The following LY86 variants were observed in gnomAD, a reference collection of about 807,000 sequenced individuals.
LY86 encodes lymphocyte antigen 86, also known as MD-1, RP105-associated.
LY86 carries 20 observed loss-of-function variants against 17.3 expected under a neutral mutation model. That is an observed-to-expected ratio of 1.15 (90% confidence interval 0.81 to 1.68). The LOEUF (loss-of-function observed/expected upper bound fraction) is 1.68, where lower values mean the gene tolerates loss of function less well. Ranked by LOEUF, LY86 falls within the 40% of genes most tolerant of loss-of-function variation. The probability of loss-of-function intolerance (pLI) is 0.00; values close to 1 mark genes in which losing one functional copy is unlikely to be tolerated. For missense variants in LY86, 200 were observed against 191.9 expected, an observed-to-expected ratio of 1.04 and a Z score of -0.25; for synonymous variants, 74 against 70.6, an observed-to-expected ratio of 1.05 and a Z score of -0.24.
intron 1 of LY86, among the ~76,000 whole-genome samples, chr6:6,609,075 C>A (rs908198211): frequency 6.6e-6 from 1 of 152,172 alleles, no homozygotes; most frequent in African/African-American, 2.4e-5. Flanking sequence ...CCAAGCCAAC[C>A]GCAGCTCTGC....
intron 1 of LY86, among the ~76,000 whole-genome samples, chr6:6,594,975 T>C (rs1182898101): frequency 6.6e-6 from 1 of 152,038 alleles, no homozygotes; most frequent in African/African-American, 2.4e-5. Context: ...AGGGAGTAAG[T>C]CATGCCATCA....
At chr6:6,606,335 T>C (rs1761142966) in intron 1 of LY86, among the ~76,000 whole-genome samples, 1 of 152,124 alleles carries the variant, frequency 6.6e-6, no homozygotes, top group Non-Finnish European at 1.5e-5. Flanking sequence ...TGCTGATTGG[T>C]GTATTTACAA....
intron 1 of LY86, among the ~76,000 whole-genome samples, chr6:6,602,743 A>G (rs1468733380): frequency 1.3e-5 from 2 of 152,188 alleles, no homozygotes; most frequent in Non-Finnish European, 2.9e-5. Flanking sequence ...TGGGGTATTG[A>G]TCTATCAACT....
At chr6:6,611,698 G>A (rs1761339214) in intron 1 of LY86, among the ~76,000 whole-genome samples, 1 of 152,182 alleles carries the variant, frequency 6.6e-6, no homozygotes, top group African/African-American at 2.4e-5. Flanking sequence ...GGTCGTGTTT[G>A]TCCCCCCTTT....
At chr6:6,615,667 A>G (rs1208873565) in intron 1 of LY86, among the ~76,000 whole-genome samples, 1 of 148,406 alleles carries the variant, frequency 6.7e-6, no homozygotes, top group Non-Finnish European at 1.5e-5. Flanking sequence ...GGTTGCAGTG[A>G]GCCAAGATTG....
At chr6:6,646,812 A>C (rs1054621561) in intron 3 of LY86, among the ~76,000 whole-genome samples, 13 of 152,044 alleles carry the variant, frequency 8.6e-5, no homozygotes, top group African/African-American at 2.4e-4. Context: ...ATCCAGTGAA[A>C]CTCCAACCCA....
intron 1 of LY86, among the ~76,000 whole-genome samples, chr6:6,590,359 C>G (rs898058348): frequency 1.3e-5 from 2 of 152,158 alleles, no homozygotes; most frequent in Non-Finnish European, 2.9e-5. Flanking sequence ...ATTCGTGTTC[C>G]TGGTGGGCTG....
At chr6:6,590,291 A>G (rs1760486507) in intron 1 of LY86, among the ~76,000 whole-genome samples, 1 of 152,118 alleles carries the variant, frequency 6.6e-6, no homozygotes, top group African/African-American at 2.4e-5. Context: ...CCAATAAATG[A>G]GACAGCTACT....
intron 1 of LY86, among the ~76,000 whole-genome samples, chr6:6,618,153 A>T (rs1466293363): frequency 6.6e-6 from 1 of 152,104 alleles, no homozygotes; most frequent in East Asian, 1.9e-4. Flanking sequence ...CGCATTGTTG[A>T]TCTACTCCTA....
intron 3 of LY86, among the ~76,000 whole-genome samples, chr6:6,648,802 A>G (rs1477412844): frequency 6.6e-6 from 1 of 151,508 alleles, no homozygotes; most frequent in Non-Finnish European, 1.5e-5. Flanking sequence ...GCCCAAAGAG[A>G]TAACAACTGT....
At chr6:6,623,824 A>G (rs1317415652) in intron 1 of LY86, among the ~76,000 whole-genome samples, 1 of 152,234 alleles carries the variant, frequency 6.6e-6, no homozygotes, top group Non-Finnish European at 1.5e-5. Context: ...GGAAAAGGAA[A>G]TGGAAAGCAA....
At chr6:6,608,424 T>C (rs1043850917) in intron 1 of LY86, among the ~76,000 whole-genome samples, 1 of 152,252 alleles carries the variant, frequency 6.6e-6, no homozygotes, top group African/African-American at 2.4e-5. Context: ...ACTACAATTG[T>C]GTCCCTCCTC....
At chr6:6,616,940 G>T (rs1303698681) in intron 1 of LY86, among the ~76,000 whole-genome samples, 1 of 152,228 alleles carries the variant, frequency 6.6e-6, no homozygotes, top group Non-Finnish European at 1.5e-5. Context: ...AGTGTCACCA[G>T]TGTCATGGTT....
chr6:6,603,032 A>C (rs775656751), intron 1 of LY86, among the ~76,000 whole-genome samples: 16 of 152,224 alleles, frequency 1.1e-4, no homozygotes, highest in Non-Finnish European at 1.9e-4. Flanking sequence ...AGGTGACAAG[A>C]GGTTCAGTGT....
chr6:6,605,251 AAAC>A (rs755626054), intron 1 of LY86, among the ~76,000 whole-genome samples: 6 of 151,208 alleles, frequency 4.0e-5, no homozygotes, highest in Admixed American at 2.0e-4. Context: ...TGGCAGTTAA[AAAC>A]AATAAGCATT....
At chr6:6,643,610 A>G (rs1762069432) in intron 3 of LY86, among the ~76,000 whole-genome samples, 2 of 152,242 alleles carry the variant, frequency 1.3e-5, no homozygotes, top group Admixed American at 1.3e-4. Context: ...TGTTGATCAC[A>G]GTGTATTGTG....
intron 1 of LY86, among the ~76,000 whole-genome samples, chr6:6,614,153 G>A (rs1009620986): frequency 6.6e-6 from 1 of 152,094 alleles, no homozygotes; most frequent in South Asian, 2.1e-4. Flanking sequence ...CAAAAGTCAC[G>A]GTGGCTTATG....
chr6:6,602,011 G>A (rs1283238327), intron 1 of LY86, among the ~76,000 whole-genome samples: 7 of 152,296 alleles, frequency 4.6e-5, no homozygotes, highest in Non-Finnish European at 8.8e-5. Context: ...CATTTGCAGC[G>A]TCTGCTATGG....
intron 1 of LY86, among the ~76,000 whole-genome samples, chr6:6,623,662 G>C (rs1761727038): frequency 6.6e-6 from 1 of 152,188 alleles, no homozygotes; most frequent in South Asian, 2.1e-4. Flanking sequence ...CTGTGGATCA[G>C]ACTGTGAGGC....
Sources: gnomAD v4.1 joint callset for allele counts (sites outside exome capture counted in the v4.1 genomes callset) on GRCh38, gnomAD v4.1.1 for gene constraint, MANE v1.5 for transcripts, NCBI Gene and HGNC (gene_info 2026-07-23, HGNC 2026-07-21) for gene names.